CARD10: variants seen among roughly 807,000 people sequenced by gnomAD.
CARD10 encodes caspase recruitment domain-containing protein 10.
CARD10 carries 49 observed loss-of-function variants against 114.6 expected under a neutral mutation model. The ratio of observed to expected loss-of-function variants is 0.43; its 90% confidence interval spans 0.34 to 0.54. The LOEUF (loss-of-function observed/expected upper bound fraction) is 0.54. CARD10 is among the 20% of genes least tolerant of loss of function. CARD10 has a pLI of 0.03. For synonymous variants in CARD10, 602 were observed against 593.2 expected, an observed-to-expected ratio of 1.01 and a Z score of -0.21; for missense variants, 1,206 against 1,397.2, an observed-to-expected ratio of 0.86 and a Z score of 2.18.
At chr22:37,517,893 C>G (rs374808322) in intron 2 of CARD10, 78 bp downstream of exon 2, 2 of 1,530,248 alleles carry the variant, frequency 1.3e-6, no homozygotes, top group South Asian at 1.2e-5. Context: ...ATAGTGGGAG[C>G]GCCTCCCTAA....
chr22:37,512,764 A>G (rs1464946379), intron 3 of CARD10, among the ~76,000 whole-genome samples: 1 of 152,172 alleles, frequency 6.6e-6, no homozygotes, highest in Non-Finnish European at 1.5e-5. Context: ...TGATGAGCTC[A>G]GAGGACAGGA....
chr22:37,518,790 G>A (rs1367123967), intron 1 of CARD10, among the ~76,000 whole-genome samples, 176 bp downstream of exon 1: 1 of 152,260 alleles, frequency 6.6e-6, no homozygotes, highest in African/African-American at 2.4e-5. Context: ...CCGCCAAGGC[G>A]CAGTGGTGGG....
At chr22:37,495,654 G>T (rs535906981) in intron 14 of CARD10, 68 bp from the exon 15 acceptor site, 1 of 1,609,222 alleles carries the variant, frequency 6.2e-7, no homozygotes, top group Non-Finnish European at 8.5e-7. Flanking sequence ...CGAACCCCCC[G>T]CCCTGTCCCA....
At chr22:37,497,927 C>A (rs1923068104) in intron 11 of CARD10, among the ~76,000 whole-genome samples, 1 of 151,870 alleles carries the variant, frequency 6.6e-6, no homozygotes, top group Admixed American at 6.6e-5. Flanking sequence ...GGCACAGATC[C>A]AAAGGTGGTT....
intron 6 of CARD10, among the ~76,000 whole-genome samples, chr22:37,507,087 T>C (rs1175242393): frequency 6.6e-6 from 1 of 152,132 alleles, no homozygotes; most frequent in Non-Finnish European, 1.5e-5. Flanking sequence ...AAGACCAGCC[T>C]GGTCAATATA....
chr22:37,511,436 TAGAAGG>T (rs1232206110), intron 3 of CARD10, among the ~76,000 whole-genome samples: 12 of 56,950 alleles, frequency 2.1e-4, no homozygotes, highest in Non-Finnish European at 2.8e-4. Flanking sequence ...GGGGAAGAGG[TAGAAGG>T]AGAAGGAGGA....
intron 11 of CARD10, among the ~76,000 whole-genome samples, chr22:37,502,031 G>A (rs1396277782): frequency 1.3e-5 from 2 of 152,172 alleles, no homozygotes; most frequent in South Asian, 4.2e-4. Context: ...AGATACACTG[G>A]CAGGTGTGAA....
chr22:37,511,432 G>A (rs1351672567), intron 3 of CARD10, among the ~76,000 whole-genome samples: 2 of 118,270 alleles, frequency 1.7e-5, no homozygotes, highest in African/African-American at 4.4e-5. Flanking sequence ...GGAGGGGGAA[G>A]AGGTAGAAGG....
rs1396986174 is a variant in CARD10, at chr22:37,510,592, T to C, written c.700-171A>G. 14 of 610,666 alleles carry C rather than the reference T, an allele frequency of 2.3e-5. No homozygotes were observed. The East Asian group carries it at 3.3e-4, about 14-fold the overall frequency. The allele number at this position is 610,666 out of a possible 1,614,324, so 37.8% of individuals were successfully genotyped here. A position where few individuals can be genotyped will look rare whatever the true frequency, so the allele number is the denominator to read the frequency against. ...GAAAACAGGACAGGCTGGACAGATA[T>C]AAAACAAACAGGGCTGAGGAAGGAG... is the stretch of plus-strand genomic sequence containing the variant. On this transcript the variant is annotated intron_variant, in intron 3 of 19. Coordinates refer to ENST00000251973, the MANE Select transcript of CARD10 (RefSeq NM_014550.4).
intron 5 of CARD10, 146 bp from the exon 6 acceptor site, chr22:37,508,100 T>C (rs1923477202): frequency 3.3e-6 from 3 of 905,312 alleles, no homozygotes; most frequent in Non-Finnish European, 5.0e-6. Context: ...TGGAGTGGTC[T>C]GAGCCACTGA....
chr22:37,498,931 GATAA>G (rs143673874), intron 11 of CARD10, among the ~76,000 whole-genome samples: 1,578 of 147,788 alleles, frequency 0.011, 31 homozygotes, highest in African/African-American at 0.037. Context: ...ATGAATAAAA[GATAA>G]TGCAGGGAGA....
At chr22:37,502,521 G>T in intron 11 of CARD10, 81 bp downstream of exon 11, 1 of 1,471,068 alleles carries the variant, frequency 6.8e-7, no homozygotes, top group Non-Finnish European at 9.2e-7. Context: ...ACAGGGGCGA[G>T]GCAATTGCTC....
chr22:37,515,985 G>C lies in CARD10; in HGVS notation c.687C>G (p.Asp229Glu), dbSNP rs1324790094. The change falls in exon 3 of 20, where the codon GAC becomes GAG. Residue 229 changes from aspartate (D) to glutamate (E), a missense_variant. Physicochemically the swap from Asp to Glu is conservative, Grantham distance 45 (BLOSUM62 2). Coordinates refer to ENST00000251973, the MANE Select transcript of CARD10 (RefSeq NM_014550.4). ...CCCCAGGGCCTACCGCCAGCTGCAGGTCACGGCTGCGAAGTACAGCCGAGT... is the reference window on the plus strand; with the variant it reads ...CCCCAGGGCCTACCGCCAGCTGCAGCTCACGGCTGCGAAGTACAGCCGAGT... ...EKNSAVLRSR[D>E]LQLAVDQLKL... 8 of 1,581,488 alleles carry C rather than the reference G, an allele frequency of 5.1e-6. No individual in the cohort carries two copies. The African/African-American group carries it at 1.1e-4, about 21-fold the overall frequency.
chr22:37,508,162 C>T (rs528694835), intron 5 of CARD10, among the ~76,000 whole-genome samples: 24 of 152,224 alleles, frequency 1.6e-4, no homozygotes, highest in Admixed American at 1.4e-3. Flanking sequence ...GAAGAATGAT[C>T]ATCATTTCAC....
At chr22:37,513,514 C>T (rs1033454412) in intron 3 of CARD10, among the ~76,000 whole-genome samples, 2 of 152,076 alleles carry the variant, frequency 1.3e-5, no homozygotes, top group Admixed American at 6.5e-5. Flanking sequence ...TTTTCCATCC[C>T]CCTCCCCTGT....
rs982629477 is a variant in CARD10 at position 37,492,505 on chromosome 22, G to A, written c.2681C>T (p.Ala894Val). Residue 894 changes from alanine (A) to valine (V), a missense_variant, in exon 18 of 20, where the codon GCC becomes GTC. Coordinates refer to ENST00000251973, the MANE Select transcript of CARD10 (RefSeq NM_014550.4). The surrounding 1 kb of genome is among the most constrained non-coding windows in gnomAD (Gnocchi z 5.7). Reference sequence around the variant, plus strand: ...AGGGGTGGCAGGCTGAGCCTTGGGGGCTCCAGGCGCTGAGGATGGGCACAG... The same window carrying A: ...AGGGGTGGCAGGCTGAGCCTTGGGGACTCCAGGCGCTGAGGATGGGCACAG... ...EELCPSSAPGAPKAQPATPGL... is the reference protein window; with the variant it reads ...EELCPSSAPGVPKAQPATPGL... 6.2e-7 allele frequency: 1 copy of A among 1,604,136 alleles called. No individual in the cohort carries two copies. The highest frequency in any genetic ancestry group is 8.5e-7 in the Non-Finnish European group (1 of 1,174,058).
chr22:37,506,066 T>C (rs1601814296), intron 7 of CARD10, 126 bp downstream of exon 7: 1 of 717,470 alleles, frequency 1.4e-6, no homozygotes, highest in Non-Finnish European at 2.1e-6. Context: ...CTCTTCCCAC[T>C]TCCCCCAAGC....
chr22:37,518,939 G>C (rs779013391), intron 1 of CARD10, 27 bp downstream of exon 1: 2 of 1,504,998 alleles, frequency 1.3e-6, no homozygotes, highest in Admixed American at 4.0e-5. Context: ...GGCCCAGGTC[G>C]TGGCCCACTC....
chr22:37,507,379 A>G (rs939565073), intron 6 of CARD10, among the ~76,000 whole-genome samples: 1 of 152,208 alleles, frequency 6.6e-6, no homozygotes, highest in Non-Finnish European at 1.5e-5. Context: ...GGAACCTCAC[A>G]CAAGGAGGCT....
Sources: allele counts gnomAD v4.1 joint callset (sites outside exome capture counted in the v4.1 genomes callset), GRCh38; gene constraint gnomAD v4.1.1; non-coding constraint Gnocchi (gnomAD v3.1); transcripts MANE v1.5; gene names NCBI Gene and HGNC (gene_info 2026-07-23, HGNC 2026-07-21).